TEX11: variants seen among roughly 807,000 people sequenced by gnomAD.
TEX11 encodes the protein testis expressed 11.
Under a neutral mutation model 84.4 loss-of-function variants are expected in TEX11, and 7 were observed. That is an observed-to-expected ratio of 0.08 (90% confidence interval 0.05 to 0.16). TEX11 has a LOEUF of 0.16. Among genes scored for constraint, TEX11 ranks in the 10% least tolerant of loss-of-function variants. The pLI is 1.00. For missense variants in TEX11, 551 were observed against 660.5 expected (o/e 0.83, Z 1.82); for synonymous variants, 264 against 222.8 (o/e 1.18, Z -1.64).
chrX:70,623,753 C>A (rs2089420676), intron 20 of TEX11, among the ~76,000 whole-genome samples, 197 bp downstream of exon 20: 1 of 102,047 alleles, frequency 9.8e-6, no homozygotes, highest in Non-Finnish European at 2.0e-5. Context: ...AAACTGAAGC[C>A]CAGAGACATT....
chrX:70,529,266 A>G, intron 29 of TEX11, 79 bp from the exon 30 acceptor site: 1 of 724,780 alleles, frequency 1.4e-6, no homozygotes. Flanking sequence ...CGGTGATGGC[A>G]TGAAAGTCTA....
At chrX:70,845,254 C>T (rs2091472622) in intron 7 of TEX11, among the ~76,000 whole-genome samples, 1 of 110,580 alleles carries the variant, frequency 9.0e-6, no homozygotes, top group Non-Finnish European at 1.9e-5. Flanking sequence ...CTCTGTCTCC[C>T]GAATTCAAGC....
chrX:70,887,042 G>C (rs1056230728), intron 2 of TEX11, among the ~76,000 whole-genome samples: 1 of 111,723 alleles, frequency 9.0e-6, no homozygotes, highest in Admixed American at 9.5e-5. Flanking sequence ...GGCCCACAGT[G>C]GGTATGTACT....
intron 16 of TEX11, among the ~76,000 whole-genome samples, chrX:70,656,113 G>GTATATATATATATATATATATA (rs774232604): frequency 6.9e-5 from 7 of 101,391 alleles, no homozygotes; most frequent in African/African-American, 2.5e-4. Flanking sequence ...AGGTAGCTGT[G>GTATATATATATATATATATATA]TATATATATA....
intron 24 of TEX11, among the ~76,000 whole-genome samples, chrX:70,599,517 TTC>T (rs1222418031): frequency 2.5e-5 from 1 of 39,923 alleles, no homozygotes; most frequent in Non-Finnish European, 7.8e-5. Flanking sequence ...TCAACAAGTA[TTC>T]TTTTTTTTTT....
At position 70,593,992 on chromosome X, in the gene TEX11, A is replaced by G. The variant is rs757637927; in HGVS notation, c.2068-2169T>C. ...AATGGCTGAAAATTCCCTAATTTTG[A>G]TGAAAAACAATAATCTACACACTCA... On this transcript the variant is annotated intron_variant, in intron 24 of 29. Coordinates refer to ENST00000374333, the MANE Select transcript of TEX11 (RefSeq NM_031276.3). Among the ~76,000 whole-genome samples, 126 of 111,832 alleles carry G rather than the reference A, an allele frequency of 1.1e-3. 1 individual carries two copies. The highest frequency in any genetic ancestry group is 3.9e-3 in the African/African-American group (119 of 30,847).
intron 25 of TEX11, among the ~76,000 whole-genome samples, chrX:70,581,444 A>G (rs1372153084): frequency 9.2e-6 from 1 of 108,881 alleles, no homozygotes; most frequent in African/African-American, 3.3e-5. Context: ...GACTATAGGC[A>G]TGTACCACCA....
intron 9 of TEX11, among the ~76,000 whole-genome samples, chrX:70,774,576 ACTAG>A: frequency 9.0e-6 from 1 of 111,678 alleles, no homozygotes; most frequent in East Asian, 2.8e-4. Flanking sequence ...ACATTAATGA[ACTAG>A]CTGAGAAAGA....
At chrX:70,662,996 T>C (rs905792525) in intron 16 of TEX11, among the ~76,000 whole-genome samples, 1 of 112,026 alleles carries the variant, frequency 8.9e-6, no homozygotes, top group African/African-American at 3.2e-5. Context: ...TTTTTGTATG[T>C]AAATTATATT....
Position 70,602,305 on chromosome X carries a change from T to A in TEX11, c.2067+3096A>T, listed in dbSNP as rs1453051712. Among the ~76,000 whole-genome samples, 384 of 109,941 alleles carry A rather than the reference T, an allele frequency of 3.5e-3. 4 individuals are homozygous for A. The highest frequency in any genetic ancestry group is 0.012 in the African/African-American group (369 of 29,717). ...AACATTGATGCAAAAATCCTCAATATAATACTGGCAAACCAAATCCAGCAG... is the reference window on the plus strand; with the variant it reads ...AACATTGATGCAAAAATCCTCAATAAAATACTGGCAAACCAAATCCAGCAG... On this transcript the variant is annotated intron_variant, in intron 24 of 29. Coordinates refer to ENST00000374333, the MANE Select transcript of TEX11 (RefSeq NM_031276.3).
At chrX:70,742,035 G>T (rs1001431476) in intron 10 of TEX11, among the ~76,000 whole-genome samples, 1 of 111,270 alleles carries the variant, frequency 9.0e-6, no homozygotes, top group Non-Finnish European at 1.9e-5. Flanking sequence ...TAGGCTCTAC[G>T]AATTTTCCCA....
At chrX:70,793,190 A>G (rs1420504135) in intron 9 of TEX11, among the ~76,000 whole-genome samples, 1 of 111,839 alleles carries the variant, frequency 8.9e-6, no homozygotes, top group Non-Finnish European at 1.9e-5. Context: ...TCAAAGGAAC[A>G]TATCTCAAAA....
intron 25 of TEX11, among the ~76,000 whole-genome samples, chrX:70,582,637 A>G (rs1450972571): frequency 2.7e-5 from 3 of 111,612 alleles, no homozygotes; most frequent in Non-Finnish European, 5.6e-5. Context: ...CTAACAAAGA[A>G]CAAAGGTTCC....
chrX:70,630,808 T>C (rs940722950), intron 17 of TEX11, among the ~76,000 whole-genome samples: 2 of 111,779 alleles, frequency 1.8e-5, no homozygotes, highest in Non-Finnish European at 3.8e-5. Flanking sequence ...CAAAATTGAT[T>C]GAAAGAAGAG....
intron 20 of TEX11, among the ~76,000 whole-genome samples, chrX:70,612,192 A>G (rs1333226098): frequency 9.1e-6 from 1 of 110,382 alleles, no homozygotes; most frequent in Non-Finnish European, 1.9e-5. Flanking sequence ...TCACCACCAC[A>G]TTACTAAAGG....
chrX:70,565,253 T>TG (rs1444661420), intron 25 of TEX11, among the ~76,000 whole-genome samples: 1 of 109,925 alleles, frequency 9.1e-6, no homozygotes, highest in Non-Finnish European at 1.9e-5. Context: ...TGATGGGGTT[T>TG]TTTTTTTTCT....
At chrX:70,782,657 A>AAAAAAAC (rs2091048359) in intron 9 of TEX11, among the ~76,000 whole-genome samples, 1 of 103,109 alleles carries the variant, frequency 9.7e-6, no homozygotes, top group Admixed American at 1.1e-4. Flanking sequence ...AAAAAAAAAA[A>AAAAAAAC]AAAAAAAAAC....
At chrX:70,866,560 T>A (rs966651473) in intron 4 of TEX11, among the ~76,000 whole-genome samples, 3 of 111,570 alleles carry the variant, frequency 2.7e-5, no homozygotes, top group Non-Finnish European at 5.6e-5. Context: ...GCCAGCATCA[T>A]CCTGATACCA....
chrX:70,691,262 CA>C (rs202219228), intron 13 of TEX11, among the ~76,000 whole-genome samples: 1 of 110,710 alleles, frequency 9.0e-6, no homozygotes, highest in African/African-American at 3.3e-5. Flanking sequence ...GGCAGTTTCT[CA>C]AAAAAAATTA....
Sources: gnomAD v4.1 joint callset for allele counts (sites outside exome capture counted in the v4.1 genomes callset) on GRCh38, gnomAD v4.1.1 for gene constraint, MANE v1.5 for transcripts, NCBI Gene and HGNC (gene_info 2026-07-23, HGNC 2026-07-21) for gene names.